ADGRL3: variants seen among roughly 807,000 people sequenced by gnomAD.
ADGRL3 encodes the protein adhesion G protein-coupled receptor L3.
Under a neutral mutation model 153.5 loss-of-function variants are expected in ADGRL3, and 62 were observed. The observed-to-expected ratio is 0.40, with a 90% confidence interval of 0.33 to 0.50. ADGRL3 has a LOEUF of 0.50. Ranked by LOEUF, ADGRL3 falls within the 20% of genes least tolerant of loss-of-function variation. ADGRL3 has a pLI of 0.47. For synonymous variants in ADGRL3, 710 were observed against 672.5 expected (o/e 1.06, Z -0.86); for missense variants, 1,641 against 1,859.4 (o/e 0.88, Z 2.16).
intron 1 of ADGRL3, among the ~76,000 whole-genome samples, chr4:61,280,512 C>A (rs866269430): frequency 1.3e-5 from 2 of 151,908 alleles, no homozygotes. Flanking sequence ...TTTAAGTACA[C>A]CATGTTGTTT....
chr4:61,538,160 A>C (rs1184651056), intron 4 of ADGRL3, among the ~76,000 whole-genome samples: 1 of 152,174 alleles, frequency 6.6e-6, no homozygotes, highest in Non-Finnish European at 1.5e-5. Flanking sequence ...AAATAAAATA[A>C]AAACTTTTTT....
intron 9 of ADGRL3, among the ~76,000 whole-genome samples, chr4:61,863,878 A>AT (rs2098374499): frequency 6.6e-6 from 1 of 152,206 alleles, no homozygotes; most frequent in African/African-American, 2.4e-5. Flanking sequence ...TTCAAAGGAT[A>AT]TTTTAAGTAT....
At chr4:62,021,144 C>T (rs1188779034) in intron 21 of ADGRL3, among the ~76,000 whole-genome samples, 12 of 151,170 alleles carry the variant, frequency 7.9e-5, no homozygotes, top group Admixed American at 6.6e-5. Context: ...TTTTGAGGTC[C>T]GAAGGTCAAT....
chr4:61,214,479 G>A (rs917514516), intron 1 of ADGRL3, among the ~76,000 whole-genome samples: 11 of 152,290 alleles, frequency 7.2e-5, no homozygotes, highest in African/African-American at 2.6e-4. Context: ...ATGAAAAGTA[G>A]GAGCAAATTA....
intron 8 of ADGRL3, among the ~76,000 whole-genome samples, chr4:61,765,071 T>A (rs887625525): frequency 6.6e-6 from 1 of 152,132 alleles, no homozygotes; most frequent in African/African-American, 2.4e-5. Context: ...AGATTCAGCA[T>A]AGTCCTGCCA....
chr4:61,468,373 C>T (rs983325117), intron 2 of ADGRL3, among the ~76,000 whole-genome samples: 7 of 152,170 alleles, frequency 4.6e-5, no homozygotes, highest in Non-Finnish European at 7.4e-5. Context: ...GCTGGAAATC[C>T]GGTACTTGAT....
intron 4 of ADGRL3, among the ~76,000 whole-genome samples, chr4:61,523,429 G>A (rs1191781999): frequency 6.6e-6 from 1 of 152,004 alleles, no homozygotes; most frequent in Non-Finnish European, 1.5e-5. Context: ...TATTATTTCA[G>A]GTAAAATCCC....
At chr4:61,585,870 G>A (rs1164954401) in intron 4 of ADGRL3, among the ~76,000 whole-genome samples, 1 of 151,822 alleles carries the variant, frequency 6.6e-6, no homozygotes, top group African/African-American at 2.4e-5. Flanking sequence ...TAAACGTCAA[G>A]CTAGAAAAAG....
At chr4:61,630,204 A>G (rs2150006976) in intron 5 of ADGRL3, among the ~76,000 whole-genome samples, 1 of 152,304 alleles carries the variant, frequency 6.6e-6, no homozygotes, top group South Asian at 2.1e-4. Flanking sequence ...CATAGGGTTT[A>G]TACACATGTA....
In ADGRL3 at chr4:61,202,369, C is replaced by T. The variant is rs1252258366; in HGVS notation, c.-240+604C>T. ...TGAGTCTTGGAGTCGCGCTGCCTCC[C>T]CGCGCCCTGCCTGTTGTGTCTCCTT... On this transcript the variant is annotated intron_variant, in intron 1 of 26. Coordinates refer to ENST00000683033, the MANE Select transcript of ADGRL3 (RefSeq NM_001387552.1). The surrounding 1 kb of genome is among the most constrained non-coding windows in gnomAD (Gnocchi z 5.0). The T allele has an allele frequency of 6.5e-6, 1 of 152,718 alleles. No homozygotes were observed. Among genetic ancestry groups the T allele is most frequent in the African/African-American group, 2.4e-5 (1 of 41,476 alleles). The allele number at this position is 152,718 out of a possible 1,614,324, so 9.5% of individuals were successfully genotyped here.
intron 21 of ADGRL3, among the ~76,000 whole-genome samples, chr4:61,999,941 T>TA (rs1237130332): frequency 6.6e-6 from 1 of 152,140 alleles, no homozygotes; most frequent in Non-Finnish European, 1.5e-5. Context: ...TTGTATTGTT[T>TA]AATTATGTAC....
chr4:61,568,702 A>G (rs2098826336), intron 4 of ADGRL3, among the ~76,000 whole-genome samples: 1 of 152,106 alleles, frequency 6.6e-6, no homozygotes, highest in Non-Finnish European at 1.5e-5. Flanking sequence ...CTTCATCCTC[A>G]TTGAAAATTC....
At position 61,906,539 on chromosome 4, in the gene ADGRL3, C is replaced by A. The variant is rs566156889; in HGVS notation, c.1888-3021C>A. On this transcript the variant is annotated intron_variant, in intron 11 of 26. Coordinates refer to ENST00000683033, the MANE Select transcript of ADGRL3 (RefSeq NM_001387552.1). ...TCCTTGAACATTTCTCTTTGTATATCTGTGGGATTATTTCTTGTGGTTGAT... is the reference window on the plus strand; with the variant it reads ...TCCTTGAACATTTCTCTTTGTATATATGTGGGATTATTTCTTGTGGTTGAT... 12 of 152,144 alleles carry A rather than the reference C, an allele frequency of 7.9e-5. 1 individual carries two copies. The highest frequency in any genetic ancestry group is 7.9e-4 in the Admixed American group (12 of 15,272). The allele number at this position is 152,144 out of a possible 1,614,324, so 9.4% of individuals were successfully genotyped here.
chr4:61,688,515 A>T (rs2095485651), intron 6 of ADGRL3, among the ~76,000 whole-genome samples: 1 of 152,124 alleles, frequency 6.6e-6, no homozygotes, highest in African/African-American at 2.4e-5. Context: ...AATAAAATGA[A>T]ATATATTCAA....
At chr4:61,886,306 C>T (rs2098538313) in intron 9 of ADGRL3, among the ~76,000 whole-genome samples, 1 of 152,086 alleles carries the variant, frequency 6.6e-6, no homozygotes, top group South Asian at 2.1e-4. Flanking sequence ...GCACAAGTAG[C>T]CAAAAGCTAC....
intron 1 of ADGRL3, among the ~76,000 whole-genome samples, chr4:61,369,188 G>A (rs1281742399): frequency 6.6e-6 from 1 of 152,164 alleles, no homozygotes; most frequent in African/African-American, 2.4e-5. Flanking sequence ...GGGACAATTT[G>A]ACTTCCTCTT....
At chr4:61,407,703 G>C (rs900805375) in intron 2 of ADGRL3, among the ~76,000 whole-genome samples, 1 of 152,142 alleles carries the variant, frequency 6.6e-6, no homozygotes, top group African/African-American at 2.4e-5. Flanking sequence ...AGAGACGAGG[G>C]AGACTGCATT....
At chr4:61,559,591 T>C (rs1454788418) in intron 4 of ADGRL3, among the ~76,000 whole-genome samples, 2 of 152,126 alleles carry the variant, frequency 1.3e-5, no homozygotes, top group African/African-American at 4.8e-5. Flanking sequence ...CAAATGTTCA[T>C]GCTTTGTAAT....
intron 5 of ADGRL3, among the ~76,000 whole-genome samples, chr4:61,641,802 A>C (rs927619015): frequency 2.6e-4 from 39 of 150,658 alleles, no homozygotes; most frequent in African/African-American, 7.8e-4. Flanking sequence ...GTATATACCC[A>C]GTAATGGGAT....
Sources: gnomAD v4.1 joint callset for allele counts (sites outside exome capture counted in the v4.1 genomes callset) on GRCh38, gnomAD v4.1.1 for gene constraint, Gnocchi (gnomAD v3.1) non-coding constraint, MANE v1.5 for transcripts, NCBI Gene and HGNC (gene_info 2026-07-23, HGNC 2026-07-21) for gene names.